Variants in QDPR observed in about 807,000 individuals in gnomAD.
The protein encoded by QDPR is dihydropteridine reductase.
A neutral mutation model predicts 31.7 loss-of-function variants in QDPR; 23 were observed. That is an observed-to-expected ratio of 0.73 (90% CI 0.52 to 1.03). The LOEUF (loss-of-function observed/expected upper bound fraction) is 1.03. Among genes scored for constraint, QDPR ranks in the 50% least tolerant of loss-of-function variants. The probability of loss-of-function intolerance (pLI) is 0.00; values close to 1 mark genes in which losing one functional copy is unlikely to be tolerated. For synonymous variants in QDPR, 124 were observed against 124.7 expected (o/e 0.99, Z 0.03); for missense variants, 324 against 323.8 (o/e 1.00, Z 0.00).
rs529497512 is a variant in QDPR at position 17,493,077 on chromosome 4, T to C, written c.437-737A>G. ...ATCCTCAGTTGCTGCATCTGTAAAA[T>C]GGGTTTGAGGTGTTTTCTAACACAG... On this transcript the variant is annotated intron_variant, in intron 4 of 6. Transcript: ENST00000281243. 5.1e-4 allele frequency among the ~76,000 whole-genome samples: 77 copies of C among 152,310 alleles called. 1 individual carries two copies. Among genetic ancestry groups the C allele is most frequent in the Non-Finnish European group, 2.5e-4 (17 of 68,022 alleles).
chr4:17,488,009 T>A (rs966548682), intron 6 of QDPR, among the ~76,000 whole-genome samples: 4 of 152,192 alleles, frequency 2.6e-5, no homozygotes, highest in African/African-American at 9.6e-5. Context: ...ACACCTGTAA[T>A]CTCAGCAATT....
chr4:17,504,926 C>G (rs1718704499), intron 2 of QDPR, among the ~76,000 whole-genome samples: 1 of 151,960 alleles, frequency 6.6e-6, no homozygotes, highest in African/African-American at 2.4e-5. Context: ...TCCAAAAATC[C>G]CTTTAACTGC....
intron 6 of QDPR, chr4:17,490,366 T>C: frequency 2.5e-6 from 1 of 397,362 alleles, no homozygotes; most frequent in Non-Finnish European, 4.8e-6. Flanking sequence ...GACCTCATGA[T>C]ACAGGTGGGG....
intron 4 of QDPR, among the ~76,000 whole-genome samples, chr4:17,499,862 T>A (rs1328174506): frequency 1.3e-5 from 2 of 152,134 alleles, no homozygotes; most frequent in Non-Finnish European, 2.9e-5. Flanking sequence ...CAAGCTACAG[T>A]GAGCTAGATC....
chr4:17,506,928 A>G (rs1177880751), intron 2 of QDPR, among the ~76,000 whole-genome samples: 1 of 152,260 alleles, frequency 6.6e-6, no homozygotes, highest in African/African-American at 2.4e-5. Flanking sequence ...TTCAAAATGT[A>G]TAGATTTATA....
intron 4 of QDPR, chr4:17,492,617 C>A: frequency 1.9e-6 from 1 of 513,006 alleles, no homozygotes; most frequent in Non-Finnish European, 3.5e-6. Flanking sequence ...ATCCAAGCTG[C>A]AGCATTCCAG....
intron 4 of QDPR, among the ~76,000 whole-genome samples, chr4:17,498,317 T>C (rs994170450): frequency 1.3e-5 from 2 of 152,168 alleles, no homozygotes; most frequent in African/African-American, 2.4e-5. Flanking sequence ...AAAGAGCTAT[T>C]TGGAAGCACA....
chr4:17,510,940 C>T (rs188024904), intron 1 of QDPR, among the ~76,000 whole-genome samples: 30 of 152,306 alleles, frequency 2.0e-4, no homozygotes, highest in Admixed American at 9.8e-4. Context: ...GTACCAGATT[C>T]TGAGCAACAA....
At chr4:17,501,163 TCC>T (rs1321712763) in intron 4 of QDPR, among the ~76,000 whole-genome samples, 1 of 152,084 alleles carries the variant, frequency 6.6e-6, no homozygotes, top group African/African-American at 2.4e-5. Context: ...GGATAAAGAA[TCC>T]ACCCCCAACC....
At chr4:17,506,901 G>A (rs1718805727) in intron 2 of QDPR, among the ~76,000 whole-genome samples, 1 of 152,172 alleles carries the variant, frequency 6.6e-6, no homozygotes, top group South Asian at 2.1e-4. Context: ...TAGCAGAGTT[G>A]TGCTCACAGT....
rs760199891 is a variant in QDPR, at chr4:17,511,939, C to G, written c.105+11G>C. On this transcript the variant is annotated intron_variant, in intron 1 of 6. Transcript: ENST00000281243. ...CCGCGGAGACCCAGCAGCCCCAGCC[C>G]GCAGCATTACCCAGTTGCGGGCCCG... 1.3e-5 allele frequency: 21 copies of G among 1,608,874 alleles called. 1 individual carries two copies. The South Asian group carries it at 2.2e-4, about 17-fold the overall frequency.
intron 4 of QDPR, among the ~76,000 whole-genome samples, chr4:17,497,154 G>A (rs1467086074): frequency 1.3e-5 from 2 of 152,136 alleles, no homozygotes; most frequent in African/African-American, 4.8e-5. Flanking sequence ...ACTGTAGTTG[G>A]GCCTGGGAGG....
chr4:17,504,094 A>G (rs1202759680), intron 3 of QDPR, among the ~76,000 whole-genome samples: 1 of 152,158 alleles, frequency 6.6e-6, no homozygotes, highest in African/African-American at 2.4e-5. Flanking sequence ...ACATCCTCCA[A>G]TGCCTGAATA....
At chr4:17,492,662 A>G in intron 4 of QDPR, 1 of 391,604 alleles carries the variant, frequency 2.6e-6, no homozygotes, top group Non-Finnish European at 4.7e-6. Flanking sequence ...AGATAAATGA[A>G]CATTTATGGA....
At chr4:17,498,692 C>T (rs1384854873) in intron 4 of QDPR, among the ~76,000 whole-genome samples, 3 of 152,174 alleles carry the variant, frequency 2.0e-5, no homozygotes, top group Non-Finnish European at 4.4e-5. Context: ...CAGCACAGAT[C>T]CTTTAATGGT....
chr4:17,508,255 G>A (rs1718858024), intron 2 of QDPR, among the ~76,000 whole-genome samples: 1 of 152,100 alleles, frequency 6.6e-6, no homozygotes, highest in South Asian at 2.1e-4. Context: ...TGGCCAACAT[G>A]GCAAAAACCT....
chr4:17,504,273 G>A (rs2108994330), intron 3 of QDPR, 106 bp downstream of exon 3: 1 of 893,264 alleles, frequency 1.1e-6, no homozygotes, highest in East Asian at 2.5e-5. Flanking sequence ...AAGATTCCGG[G>A]ATATACACAA....
chr4:17,492,874 C>T (rs1281510896), intron 4 of QDPR, among the ~76,000 whole-genome samples: 2 of 152,172 alleles, frequency 1.3e-5, no homozygotes, highest in Non-Finnish European at 2.9e-5. Context: ...GAAATGGGTT[C>T]TGAACCTTTT....
chr4:17,507,446 C>T (rs969694574), intron 2 of QDPR, among the ~76,000 whole-genome samples: 7 of 152,074 alleles, frequency 4.6e-5, no homozygotes, highest in Non-Finnish European at 8.8e-5. Context: ...CCCAGCTATT[C>T]GGGAGAATGA....
Sources: allele counts gnomAD v4.1 joint callset (sites outside exome capture counted in the v4.1 genomes callset), GRCh38; gene constraint gnomAD v4.1.1; transcripts MANE v1.5; gene names NCBI Gene and HGNC (gene_info 2026-07-23, HGNC 2026-07-21).